Variants in LDLRAD4 observed in about 807,000 individuals in gnomAD.
The protein encoded by LDLRAD4 is low-density lipoprotein receptor class A domain-containing protein 4.
Under a neutral mutation model 17.0 loss-of-function variants are expected in LDLRAD4, and 5 were observed. The observed-to-expected ratio is 0.29, with a 90% CI of 0.15 to 0.62. The LOEUF (loss-of-function observed/expected upper bound fraction) is 0.62, where lower values mean the gene tolerates loss of function less well. LDLRAD4 is among the 20% of genes least tolerant of loss of function. The pLI is 0.84. For missense variants in LDLRAD4, 340 were observed against 424.7 expected, an observed-to-expected ratio of 0.80 and a Z score of 1.75; for synonymous variants, 168 against 171.8, an observed-to-expected ratio of 0.98 and a Z score of 0.17.
intron 1 of LDLRAD4, among the ~76,000 whole-genome samples, chr18:13,282,244 A>G (rs1445736773): frequency 2.0e-5 from 3 of 151,962 alleles, no homozygotes; most frequent in African/African-American, 7.3e-5. Flanking sequence ...ACCCCTCCAA[A>G]TCTCACATCC....
chr18:13,511,291 T>C (rs1188581249), intron 3 of LDLRAD4, among the ~76,000 whole-genome samples: 1 of 152,012 alleles, frequency 6.6e-6, no homozygotes. Context: ...TCCCAGCACT[T>C]TGGGAGGCTG....
exon 6 of LDLRAD4, chr18:13,647,689 A>G (rs2043067364): frequency 1.3e-5 from 2 of 152,312 alleles, no homozygotes; most frequent in South Asian, 4.1e-4. Context: ...CTTTGCACAC[A>G]GTAACATCCA....
chr18:13,550,083 G>C (rs1183363613), intron 3 of LDLRAD4, among the ~76,000 whole-genome samples: 1 of 152,236 alleles, frequency 6.6e-6, no homozygotes, highest in Non-Finnish European at 1.5e-5. Context: ...GAAGAAAGCA[G>C]ACACAGTTGC....
intron 3 of LDLRAD4, among the ~76,000 whole-genome samples, chr18:13,456,864 T>A (rs1157106021): frequency 1.3e-5 from 2 of 152,194 alleles, no homozygotes; most frequent in South Asian, 2.1e-4. Flanking sequence ...GATATGTGGT[T>A]TTTTCTAGAT....
At chr18:13,569,045 T>C (rs1014986245) in intron 3 of LDLRAD4, among the ~76,000 whole-genome samples, 3 of 152,110 alleles carry the variant, frequency 2.0e-5, no homozygotes, top group African/African-American at 7.2e-5. Flanking sequence ...TATTAGTGGA[T>C]TACACGAGCA....
intron 1 of LDLRAD4, among the ~76,000 whole-genome samples, chr18:13,293,512 G>A (rs549550876): frequency 7.2e-5 from 11 of 152,322 alleles, no homozygotes; most frequent in Non-Finnish European, 1.6e-4. Context: ...ATACAAATGA[G>A]CTGGCCAGGC....
At chr18:13,368,089 G>A (rs937699367) in intron 1 of LDLRAD4, among the ~76,000 whole-genome samples, 2 of 152,134 alleles carry the variant, frequency 1.3e-5, no homozygotes, top group African/African-American at 4.8e-5. Context: ...CTTAGACCTG[G>A]GTATATCTGG....
chr18:13,527,480 G>T (rs1027708352), intron 3 of LDLRAD4, among the ~76,000 whole-genome samples: 1 of 152,190 alleles, frequency 6.6e-6, no homozygotes, highest in African/African-American at 2.4e-5. Flanking sequence ...AGAAGACCTT[G>T]TTCTTCCCAC....
At chr18:13,302,348 T>C (rs2046654199) in intron 1 of LDLRAD4, among the ~76,000 whole-genome samples, 1 of 152,188 alleles carries the variant, frequency 6.6e-6, no homozygotes, top group Admixed American at 6.5e-5. Flanking sequence ...AGCTCGATGA[T>C]TAGTTTTCAG....
intron 3 of LDLRAD4, among the ~76,000 whole-genome samples, chr18:13,583,071 G>A (rs1480058821): frequency 6.6e-6 from 1 of 151,868 alleles, no homozygotes; most frequent in Non-Finnish European, 1.5e-5. Flanking sequence ...AGCTCTTTTT[G>A]GTCTCTGGGT....
intron 3 of LDLRAD4, among the ~76,000 whole-genome samples, chr18:13,453,098 G>T (rs2091933275): frequency 6.6e-6 from 1 of 152,220 alleles, no homozygotes; most frequent in Non-Finnish European, 1.5e-5. Flanking sequence ...ATGTGCAAAT[G>T]AAATGCAGGA....
intron 3 of LDLRAD4, among the ~76,000 whole-genome samples, chr18:13,519,426 G>T (rs2093919480): frequency 6.6e-6 from 1 of 152,118 alleles, no homozygotes; most frequent in Non-Finnish European, 1.5e-5. Flanking sequence ...TCCTCAAGGG[G>T]ATGCTTACCT....
chr18:13,341,342 T>C (rs2082363505), intron 1 of LDLRAD4, among the ~76,000 whole-genome samples: 2 of 152,272 alleles, frequency 1.3e-5, no homozygotes, highest in South Asian at 2.1e-4. Flanking sequence ...CTTAAAAATA[T>C]TATTTTCTAA....
Position 13,398,014 on chromosome 18 carries a change from G to A in LDLRAD4, c.40+10252G>A, listed in dbSNP as rs183362220. On this transcript the variant is annotated intron_variant, in intron 2 of 5. Transcript: ENST00000359446. The surrounding 1 kb of genome is among the most constrained non-coding windows in gnomAD (Gnocchi z 4.8). ...GCCCCAGGAGGTGTGGGCGTGATCCGAGTTTGTGGCTCAGGATCTGCACAG... is the reference window on the plus strand; with the variant it reads ...GCCCCAGGAGGTGTGGGCGTGATCCAAGTTTGTGGCTCAGGATCTGCACAG... Among the ~76,000 whole-genome samples, 20 of 152,288 alleles carry A rather than the reference G, an allele frequency of 1.3e-4. No homozygotes were observed. In the East Asian group the frequency reaches 3.9e-3, roughly 29 times the overall value.
At chr18:13,454,150 TCTGA>T (rs1342452094) in intron 3 of LDLRAD4, among the ~76,000 whole-genome samples, 1 of 152,242 alleles carries the variant, frequency 6.6e-6, no homozygotes, top group Admixed American at 6.5e-5. Flanking sequence ...CCCCTTTTTG[TCTGA>T]CTGTTAGATG....
intron 1 of LDLRAD4, among the ~76,000 whole-genome samples, chr18:13,309,008 T>C (rs1230198837): frequency 6.6e-6 from 1 of 152,232 alleles, no homozygotes; most frequent in African/African-American, 2.4e-5. Context: ...TCCTGTCTTC[T>C]TGACTTTATT....
chr18:13,574,415 G>A (rs1455625621), intron 3 of LDLRAD4, among the ~76,000 whole-genome samples: 2 of 152,140 alleles, frequency 1.3e-5, no homozygotes, highest in South Asian at 2.1e-4. Context: ...TCATGTGGTA[G>A]TTCATCCACC....
chr18:13,240,122 G>A (rs2042554599), intron 1 of LDLRAD4: 2 of 152,236 alleles, frequency 1.3e-5, no homozygotes, highest in African/African-American at 4.8e-5. Flanking sequence ...TAAATAACTA[G>A]GCCAGCATTC....
At chr18:13,422,603 C>T (rs1361563514) in intron 2 of LDLRAD4, among the ~76,000 whole-genome samples, 2 of 151,520 alleles carry the variant, frequency 1.3e-5, no homozygotes, top group African/African-American at 2.4e-5. Flanking sequence ...GAGGCTGAGG[C>T]GGGAGGATGG....
Sources: gnomAD v4.1 joint callset for allele counts (sites outside exome capture counted in the v4.1 genomes callset) on GRCh38, gnomAD v4.1.1 for gene constraint, Gnocchi (gnomAD v3.1) non-coding constraint, MANE v1.5 for transcripts, NCBI Gene and HGNC (gene_info 2026-07-23, HGNC 2026-07-21) for gene names.